ROCK2: variants seen among roughly 807,000 people sequenced by gnomAD.
ROCK2 encodes Rho associated coiled-coil containing protein kinase 2, also known as rho-associated protein kinase 2.
Under a neutral mutation model 195.1 loss-of-function variants are expected in ROCK2, and 61 were observed. The ratio of observed to expected loss-of-function variants is 0.31; its 90% CI spans 0.25 to 0.39. ROCK2 has a LOEUF of 0.39. Among genes scored for constraint, ROCK2 ranks in the 10% least tolerant of loss-of-function variants. The pLI is 1.00. For synonymous variants in ROCK2, 504 were observed against 545.5 expected (o/e 0.92, Z 1.06); for missense variants, 1,109 against 1,637.4 (o/e 0.68, Z 5.57).
intron 16 of ROCK2, 79 bp from the exon 17 acceptor site, chr2:11,214,542 C>A: frequency 1.2e-6 from 1 of 832,864 alleles, no homozygotes; most frequent in South Asian, 1.6e-5. Context: ...GTTTGCAAGC[C>A]ACCTTCTATT....
chr2:11,335,762 C>T (rs1340043110), intron 1 of ROCK2, among the ~76,000 whole-genome samples: 1 of 152,136 alleles, frequency 6.6e-6, no homozygotes, highest in Non-Finnish European at 1.5e-5. Context: ...TGAACTCCTA[C>T]TTCATACTTT....
At chr2:11,264,399 A>C (rs1454873009) in intron 3 of ROCK2, among the ~76,000 whole-genome samples, 1 of 151,906 alleles carries the variant, frequency 6.6e-6, no homozygotes, top group Non-Finnish European at 1.5e-5. Context: ...TGACAGAAAA[A>C]AGAGTAATCA....
At chr2:11,283,915 A>G (rs1425225096) in intron 3 of ROCK2, among the ~76,000 whole-genome samples, 1 of 152,250 alleles carries the variant, frequency 6.6e-6, no homozygotes, top group Non-Finnish European at 1.5e-5. Context: ...TTGGTATTTA[A>G]CCAAATGAAC....
chr2:11,306,418 C>A (rs891205687), intron 1 of ROCK2, among the ~76,000 whole-genome samples: 7 of 152,182 alleles, frequency 4.6e-5, no homozygotes, highest in African/African-American at 1.7e-4. Flanking sequence ...TACCTTCTTT[C>A]TCCTTACCAC....
Position 11,207,852 on chromosome 2 carries a change from T to C in ROCK2, c.2423A>G (p.Asn808Ser), listed in dbSNP as rs1488092249. The C allele has an allele frequency of 1.2e-6, 2 of 1,610,012 alleles. No individual in the cohort carries two copies. Among genetic ancestry groups the C allele is most frequent in the Non-Finnish European group, 8.5e-7 (1 of 1,177,510 alleles). ...CTGTTGTGTTTGCATCTTCAGGTCATTTTGTGTAAGGCAGCGCTTCTGAGT... is the reference window on the plus strand; with the variant it reads ...CTGTTGTGTTTGCATCTTCAGGTCACTTTGTGTAAGGCAGCGCTTCTGAGT... Reference protein sequence around the residue: ...QETQKRCLTQNDLKMQTQQVN... With the variant: ...QETQKRCLTQSDLKMQTQQVN... Residue 808 changes from asparagine (N) to serine (S), a missense_variant, in exon 20 of 33, where the codon AAT (asparagine) becomes AGT (serine). Physicochemically the swap from Asn to Ser is conservative, Grantham distance 46. Around this residue, in one of 6 missense-constraint regions of ROCK2, gnomAD observed 542 missense variants for 672.0 expected, o/e 0.81. Transcript: ENST00000315872.
Position 11,215,039 on chromosome 2 carries a change from G to A in ROCK2, c.1737C>T (p.Ala579=), listed in dbSNP as rs776510294. ...ALLRTESDTA[A]RLRKTQAESS... ...TTTCTGCCTGGGTTTTCCTTAACCG[G>A]GCTGCAGTATCAGACTCTGTTCGCA... Residue 579 remains alanine (A), a synonymous_variant, in exon 16 of 33, where the codon GCC becomes GCT. Transcript: ENST00000315872. The A allele has an allele frequency of 6.2e-6, 10 of 1,614,034 alleles. No homozygotes were observed. The highest frequency in any genetic ancestry group is 8.5e-6 in the Non-Finnish European group (10 of 1,179,994).
At chr2:11,212,767 A>C (rs1275831195) in intron 17 of ROCK2, among the ~76,000 whole-genome samples, 1 of 152,144 alleles carries the variant, frequency 6.6e-6, no homozygotes, top group Non-Finnish European at 1.5e-5. Flanking sequence ...AAAAGAAAAA[A>C]AAAAATCACT....
At chr2:11,287,933 T>C (rs1339070775) in intron 1 of ROCK2, among the ~76,000 whole-genome samples, 197 bp from the exon 2 acceptor site, 1 of 152,220 alleles carries the variant, frequency 6.6e-6, no homozygotes, top group Non-Finnish European at 1.5e-5. Flanking sequence ...GGACTGCCCC[T>C]ATCATGTTTT....
chr2:11,213,242 A>G (rs567402518), intron 17 of ROCK2, among the ~76,000 whole-genome samples: 6 of 152,166 alleles, frequency 3.9e-5, no homozygotes, highest in Non-Finnish European at 7.3e-5. Flanking sequence ...TTTTCTCCAC[A>G]CAGTATACAG....
chr2:11,201,340 T>A lies in ROCK2; in HGVS notation c.2693A>T (p.Gln898Leu). ...EEKTKLGKEL[Q>L]QKKQELQDER... is the part of the protein sequence containing the mutation. ...ATCCTGTAATTCCTGTTTCTTCTGC[T>A]GCAATTCTTTACCAAGTTTGGTCTT... Residue 898 changes from glutamine (Q) to leucine (L), a missense_variant, in exon 22 of 33, where the codon CAG (glutamine) becomes CTG (leucine). Transcript: ENST00000315872. The surrounding 1 kb of genome is among the most constrained non-coding windows in gnomAD (Gnocchi z 4.6). The A allele has an allele frequency of 6.2e-7, 1 of 1,612,660 alleles. No homozygotes were observed. Among genetic ancestry groups the A allele is most frequent in the Non-Finnish European group, 8.5e-7 (1 of 1,178,908 alleles).
intron 13 of ROCK2, 51 bp from the exon 14 acceptor site, chr2:11,215,696 T>A (rs1333572809): frequency 6.8e-7 from 1 of 1,473,006 alleles, no homozygotes; most frequent in African/African-American, 1.4e-5. Flanking sequence ...AAAAATGAAA[T>A]CAAAACAAAA....
intron 5 of ROCK2, among the ~76,000 whole-genome samples, chr2:11,230,279 T>C (rs988557145): frequency 3.9e-5 from 6 of 152,094 alleles, no homozygotes; most frequent in Admixed American, 2.6e-4. Flanking sequence ...GTCTTGAACA[T>C]TGTATAGTGT....
At position 11,181,986 on chromosome 2, in the gene ROCK2, CT is replaced by C. The variant is rs1663018192; in HGVS notation, c.*1450del. 6.7e-6 allele frequency: 1 copy of C among 149,616 alleles called. No individual in the cohort carries two copies. Among genetic ancestry groups the C allele is most frequent in the African/African-American group, 2.4e-5 (1 of 40,832 alleles). The allele number at this position is 149,616 out of a possible 1,614,324, so 9.3% of individuals were successfully genotyped here. The stretch of plus-strand genomic sequence containing the variant: ...CTCTGTGTATTTATATAAAGAGAGA[CT>C]GTTAAAAGACTTCATAATATAAAAA... On this transcript the variant is annotated 3_prime_UTR_variant, in exon 33 of 33. Coordinates refer to ENST00000315872, the MANE Select transcript of ROCK2 (RefSeq NM_004850.5).
chr2:11,344,954 G>T (rs1669253486), upstream of ROCK2, among the ~76,000 whole-genome samples: 1 of 150,530 alleles, frequency 6.6e-6, no homozygotes, highest in African/African-American at 2.4e-5. This position sits in a 1 kb window ranked among gnomAD's most constrained non-coding sequence, Gnocchi z 5.4. Context: ...GGACCCCGCG[G>T]ACTACCCCGC....
At chr2:11,183,887 G>T (rs900201630) in intron 32 of ROCK2, among the ~76,000 whole-genome samples, 1 of 152,150 alleles carries the variant, frequency 6.6e-6, no homozygotes, top group Admixed American at 6.5e-5. Flanking sequence ...CTACATTGTT[G>T]TAGTAAATAT....
intron 5 of ROCK2, chr2:11,234,817 T>C (rs1665146368): frequency 6.6e-6 from 1 of 152,042 alleles, no homozygotes; most frequent in South Asian, 2.1e-4. Flanking sequence ...CTGATGAAGG[T>C]AGAATGATCA....
chr2:11,234,311 G>A (rs779663460), intron 5 of ROCK2: 1 of 151,876 alleles, frequency 6.6e-6, no homozygotes, highest in Non-Finnish European at 1.5e-5. Flanking sequence ...AAAAATATGT[G>A]GTATGATTTA....
intron 3 of ROCK2, among the ~76,000 whole-genome samples, chr2:11,262,637 TA>T (rs1283549301): frequency 3.3e-5 from 5 of 152,310 alleles, no homozygotes; most frequent in Admixed American, 1.3e-4. Flanking sequence ...GCCATCCATG[TA>T]AGATGTGACT....
rs942105370 is a variant in ROCK2, at chr2:11,304,083, C to G, written c.142-16347G>C. Among the ~76,000 whole-genome samples the G allele has an allele frequency of 2.0e-5, 3 of 152,200 alleles. No individual in the cohort carries two copies. In the East Asian group the frequency reaches 5.8e-4, roughly 29 times the overall value. On this transcript the variant is annotated intron_variant, in intron 1 of 32. Coordinates refer to ENST00000315872, the MANE Select transcript of ROCK2 (RefSeq NM_004850.5). The stretch of plus-strand genomic sequence containing the variant: ...TCTCCTGTCTTTGGGCCTCCTCTCT[C>G]AAATTCACTCACTCCCTCGAACTCC...
Sources: gnomAD v4.1 joint callset for allele counts (sites outside exome capture counted in the v4.1 genomes callset) on GRCh38, gnomAD v4.1.1 for gene constraint, gnomAD v4.1.1 regional missense constraint, Gnocchi (gnomAD v3.1) non-coding constraint, MANE v1.5 for transcripts, NCBI Gene and HGNC (gene_info 2026-07-23, HGNC 2026-07-21) for gene names.